ZNF148: variants seen among roughly 807,000 people sequenced by gnomAD.
ZNF148 encodes the protein zinc finger protein 148.
In ZNF148, 7 loss-of-function variants were observed where a neutral mutation model predicts 67.7. That is an observed-to-expected ratio of 0.10 (90% confidence interval 0.06 to 0.19). The LOEUF (loss-of-function observed/expected upper bound fraction) is 0.19. Ranked by LOEUF, ZNF148 falls within the 10% of genes least tolerant of loss-of-function variation. The probability of loss-of-function intolerance (pLI) is 1.00; values close to 1 mark genes in which losing one functional copy is unlikely to be tolerated. For synonymous variants in ZNF148, 333 were observed against 330.7 expected, an observed-to-expected ratio of 1.01 and a Z score of -0.08; for missense variants, 583 against 947.1, an observed-to-expected ratio of 0.62 and a Z score of 5.05.
rs529247919 is a variant in ZNF148 at position 125,364,353 on chromosome 3, C to T, written c.-234+10749G>A. ...GGCGGAGGTTGCAGTGAGCAGACAT[C>T]GCACCACTCCAGCCTGGGTGAGTGA... On this transcript the variant is annotated intron_variant, in intron 1 of 8. Coordinates refer to ENST00000360647, the MANE Select transcript of ZNF148 (RefSeq NM_021964.3). Among the ~76,000 whole-genome samples, 38 of 152,150 alleles carry T rather than the reference C, an allele frequency of 2.5e-4. 2 individuals are homozygous for T. In the South Asian group the frequency reaches 7.5e-3, roughly 30 times the overall value.
intron 1 of ZNF148, among the ~76,000 whole-genome samples, chr3:125,332,368 T>G (rs1230366176): frequency 6.6e-6 from 1 of 152,186 alleles, no homozygotes; most frequent in Non-Finnish European, 1.5e-5. Context: ...TTTAAGTACA[T>G]ACTCCTATAG....
chr3:125,269,099 G>A (rs1239494828), intron 7 of ZNF148, among the ~76,000 whole-genome samples: 2 of 151,000 alleles, frequency 1.3e-5, no homozygotes, highest in Admixed American at 6.6e-5. Context: ...CAGGCACAGT[G>A]GCTTATTCCT....
rs1935962567 is a variant in ZNF148, at chr3:125,233,813, T to C, written c.913A>G (p.Thr305Ala). The C allele has an allele frequency of 1.2e-6, 2 of 1,613,768 alleles. No homozygotes were observed. Among genetic ancestry groups the C allele is most frequent in the South Asian group, 1.1e-5 (1 of 91,074 alleles). ...GGCAGTGAGTTGTCTTTTGGTGATGTAGAAAAGCCAGAATCTTCCTCAGAT... is the reference window on the plus strand; with the variant it reads ...GGCAGTGAGTTGTCTTTTGGTGATGCAGAAAAGCCAGAATCTTCCTCAGAT... ...LTSEEDSGFSTSPKDNSLPKK... is the reference protein window; with the variant it reads ...LTSEEDSGFSASPKDNSLPKK... Residue 305 changes from threonine (T) to alanine (A), a missense_variant, in exon 9 of 9, where the codon ACA (threonine) becomes GCA (alanine). Thr to Ala is a moderately conservative substitution (Grantham distance 58, BLOSUM62 0). Around this residue, in one of 5 missense-constraint regions of ZNF148, gnomAD observed 78 missense variants for 86.5 expected, o/e 0.90. Coordinates refer to ENST00000360647, the MANE Select transcript of ZNF148 (RefSeq NM_021964.3). The surrounding 1 kb of genome is among the most constrained non-coding windows in gnomAD (Gnocchi z 5.1).
intron 1 of ZNF148, among the ~76,000 whole-genome samples, chr3:125,370,498 A>G (rs1942845262): frequency 6.6e-6 from 1 of 152,248 alleles, no homozygotes; most frequent in South Asian, 2.1e-4. Context: ...GCTCTAGAAC[A>G]GGTTACAATG....
At chr3:125,365,951 T>A (rs1391200957) in intron 1 of ZNF148, among the ~76,000 whole-genome samples, 1 of 152,230 alleles carries the variant, frequency 6.6e-6, no homozygotes, top group East Asian at 1.9e-4. Flanking sequence ...CTTCTTAATA[T>A]CTCCAGTAGC....
intron 1 of ZNF148, among the ~76,000 whole-genome samples, chr3:125,342,875 T>C (rs1227267852): frequency 6.6e-6 from 1 of 152,168 alleles, no homozygotes; most frequent in Non-Finnish European, 1.5e-5. Flanking sequence ...TCCACACTTC[T>C]GTTGAAGTAT....
At chr3:125,304,206 T>C (rs1939749575) in intron 4 of ZNF148, among the ~76,000 whole-genome samples, 1 of 151,948 alleles carries the variant, frequency 6.6e-6, no homozygotes, top group Admixed American at 6.5e-5. Flanking sequence ...CAATATAAGA[T>C]GTCAAAGACC....
At chr3:125,308,314 C>T (rs779071696) in intron 4 of ZNF148, among the ~76,000 whole-genome samples, 24 of 152,086 alleles carry the variant, frequency 1.6e-4, no homozygotes, top group Non-Finnish European at 2.9e-4. Flanking sequence ...CCAACCAAAA[C>T]CATGAAATAC....
At chr3:125,334,575 A>T (rs1306588399) in intron 1 of ZNF148, among the ~76,000 whole-genome samples, 2 of 152,344 alleles carry the variant, frequency 1.3e-5, no homozygotes, top group Non-Finnish European at 2.9e-5. Context: ...GACTCTGCTC[A>T]GTAGTGTTCC....
chr3:125,341,295 G>A (rs1941712455), intron 1 of ZNF148, among the ~76,000 whole-genome samples: 1 of 147,090 alleles, frequency 6.8e-6, no homozygotes, highest in South Asian at 2.1e-4. Flanking sequence ...ATAGTCTTCA[G>A]ATACCTACTA....
chr3:125,340,794 G>A (rs187738616), intron 1 of ZNF148, among the ~76,000 whole-genome samples: 4,569 of 151,644 alleles, frequency 0.03, 232 homozygotes, highest in African/African-American at 0.1. Flanking sequence ...AGACCATCCC[G>A]GCTAAAACGG....
chr3:125,318,860 A>G (rs1468367971), intron 3 of ZNF148, among the ~76,000 whole-genome samples: 2 of 152,144 alleles, frequency 1.3e-5, no homozygotes, highest in Admixed American at 1.3e-4. Context: ...AGATTACTTC[A>G]AATTCTGCAT....
chr3:125,226,629 C>T lies in ZNF148; in HGVS notation c.*5712G>A, dbSNP rs1935648416. On this transcript the variant is annotated 3_prime_UTR_variant, in exon 9 of 9. Coordinates refer to ENST00000360647, the MANE Select transcript of ZNF148 (RefSeq NM_021964.3). ...CTATGTTCCATGACTATGCATGAAA[C>T]AAGCTGTCACTGTATTATAAAGGCT... The T allele has an allele frequency of 6.6e-6, 1 of 152,588 alleles. No homozygotes were observed. Among genetic ancestry groups the T allele is most frequent in the East Asian group, 1.9e-4 (1 of 5,198 alleles). The allele number at this position is 152,588 out of a possible 1,614,324, so 9.5% of individuals were successfully genotyped here.
In ZNF148 at chr3:125,232,055, A is replaced by C. The variant is rs1192283854; in HGVS notation, c.*286T>G. On this transcript the variant is annotated 3_prime_UTR_variant, in exon 9 of 9. Coordinates refer to ENST00000360647, the MANE Select transcript of ZNF148 (RefSeq NM_021964.3). This position sits in a 1 kb window ranked among gnomAD's most constrained non-coding sequence, Gnocchi z 4.2. ...ATCAGTTAGGAAACAATTGTGCGAA[A>C]GTCTTTTTTTTTTCCTTTTTAACTT... 4 of 298,486 alleles carry C rather than the reference A, an allele frequency of 1.3e-5. No individual in the cohort carries two copies. The highest frequency in any genetic ancestry group is 8.6e-5 in the African/African-American group (4 of 46,300). 18.5% of individuals were successfully genotyped at this position (298,486 alleles called of 1,614,324 possible). A position where few individuals can be genotyped will look rare whatever the true frequency, so the allele number is the denominator to read the frequency against.
At chr3:125,276,019 T>C (rs574841782) in intron 7 of ZNF148, among the ~76,000 whole-genome samples, 10 of 152,270 alleles carry the variant, frequency 6.6e-5, no homozygotes, top group Admixed American at 5.2e-4. Flanking sequence ...TATATGTGTG[T>C]TTTTCCACGT....
At chr3:125,280,458 G>A (rs1938316666) in intron 5 of ZNF148, among the ~76,000 whole-genome samples, 1 of 152,050 alleles carries the variant, frequency 6.6e-6, no homozygotes, top group African/African-American at 2.4e-5. Flanking sequence ...GAGGTGGGTG[G>A]CTCACTTCAG....
intron 7 of ZNF148, among the ~76,000 whole-genome samples, chr3:125,256,541 T>G (rs527544271): frequency 1.3e-5 from 2 of 151,960 alleles, no homozygotes; most frequent in South Asian, 4.2e-4. Flanking sequence ...CCAGCCATGA[T>G]GGCAGATGCC....
chr3:125,321,185 T>A (rs1940755457), intron 3 of ZNF148, among the ~76,000 whole-genome samples: 1 of 152,198 alleles, frequency 6.6e-6, no homozygotes, highest in African/African-American at 2.4e-5. Context: ...ACATATCTTC[T>A]AAACCATGTT....
intron 5 of ZNF148, among the ~76,000 whole-genome samples, chr3:125,282,969 T>TA (rs1271488042): frequency 6.6e-6 from 1 of 152,162 alleles, no homozygotes; most frequent in Non-Finnish European, 1.5e-5. Flanking sequence ...TATAGGTTTT[T>TA]ATCATATATT....
Sources: gnomAD v4.1 joint callset for allele counts (sites outside exome capture counted in the v4.1 genomes callset) on GRCh38, gnomAD v4.1.1 for gene constraint, gnomAD v4.1.1 regional missense constraint, Gnocchi (gnomAD v3.1) non-coding constraint, MANE v1.5 for transcripts, NCBI Gene and HGNC (gene_info 2026-07-23, HGNC 2026-07-21) for gene names.